The following DYNC2LI1 variants were observed in gnomAD, a reference collection of about 807,000 sequenced individuals.
DYNC2LI1 encodes the protein cytoplasmic dynein 2 light intermediate chain 1.
DYNC2LI1 carries 45 observed loss-of-function variants against 51.9 expected under a neutral mutation model. The ratio of observed to expected loss-of-function variants is 0.87; its 90% CI spans 0.68 to 1.11. The LOEUF is 1.11. Ranked by LOEUF, DYNC2LI1 falls within the 50% of genes most tolerant of loss-of-function variation. The pLI is 0.00. For missense variants in DYNC2LI1, 490 were observed against 417.4 expected (o/e 1.17, Z -1.51); for synonymous variants, 130 against 137.8 (o/e 0.94, Z 0.40).
At chr2:43,782,510 T>G (rs1171823826) in intron 2 of DYNC2LI1, among the ~76,000 whole-genome samples, 1 of 151,398 alleles carries the variant, frequency 6.6e-6, no homozygotes, top group Non-Finnish European at 1.5e-5. Flanking sequence ...TCCTGCTGTT[T>G]CTCTTTTATC....
Position 43,796,703 on chromosome 2 carries a change from A to T in DYNC2LI1, c.577-15A>T. On this transcript the variant is annotated splice_polypyrimidine_tract_variant and intron_variant, in intron 7 of 12. Coordinates refer to ENST00000260605, the MANE Select transcript of DYNC2LI1 (RefSeq NM_016008.4). ...TTTGGTTATCTTGACTTTTTAAAAT[A>T]ACATATTTCTACAGGATTTTGAGTC... 6.3e-7 allele frequency: 1 copy of T among 1,591,638 alleles called. No individual in the cohort carries two copies. Among genetic ancestry groups the T allele is most frequent in the Non-Finnish European group, 8.6e-7 (1 of 1,160,408 alleles).
chr2:43,823,625 G>A, the DYNC2LI1 span, among the ~76,000 whole-genome samples: 1 of 152,112 alleles, frequency 6.6e-6, no homozygotes, highest in Non-Finnish European at 1.5e-5. Flanking sequence ...TGGCCAAGAT[G>A]AGATAGGAGG....
chr2:43,808,111 G>A (rs1412633355), intron 12 of DYNC2LI1, among the ~76,000 whole-genome samples: 1 of 152,046 alleles, frequency 6.6e-6, no homozygotes, highest in Non-Finnish European at 1.5e-5. Context: ...TAAACAATTT[G>A]TTTATTCTTT....
chr2:43,774,214 C>G, intron 1 of DYNC2LI1, 68 bp downstream of exon 1: 2 of 1,598,526 alleles, frequency 1.3e-6, no homozygotes, highest in South Asian at 1.1e-5. Context: ...GAAGCCCAGG[C>G]GGGACCAGCT....
Position 43,794,552 on chromosome 2 carries a change from A to G in DYNC2LI1, c.416A>G (p.Asp139Gly). Residue 139 changes from aspartate (D) to glycine (G), a missense_variant, in exon 6 of 13, where the codon GAC (aspartate) becomes GGC (glycine). Physicochemically the swap from Asp to Gly is moderately conservative, Grantham distance 94. Coordinates refer to ENST00000260605, the MANE Select transcript of DYNC2LI1 (RefSeq NM_016008.4). ...NLLQATKSHV[D>G]KVIMKLGKTN... ...TTGCAAGCCACAAAAAGCCATGTAG[A>G]CAAAGTGATAATGAAACTGGGAAAG... 2 of 1,614,156 alleles carry G rather than the reference A, an allele frequency of 1.2e-6. No individual in the cohort carries two copies. Among genetic ancestry groups the G allele is most frequent in the Non-Finnish European group, 1.7e-6 (2 of 1,180,022 alleles).
the DYNC2LI1 span, among the ~76,000 whole-genome samples, chr2:43,816,730 T>C: frequency 3.9e-5 from 6 of 152,050 alleles, no homozygotes; most frequent in Non-Finnish European, 7.4e-5. Flanking sequence ...TGTTGTTAAA[T>C]GGGAAAAAAA....
intron 3 of DYNC2LI1, among the ~76,000 whole-genome samples, chr2:43,784,550 C>G (rs995407587): frequency 6.6e-6 from 1 of 152,088 alleles, no homozygotes; most frequent in Non-Finnish European, 1.5e-5. Flanking sequence ...AGCGATTCTC[C>G]TGCCTCAGCC....
At chr2:43,827,053 G>A in the DYNC2LI1 span, among the ~76,000 whole-genome samples, 986 of 152,298 alleles carry the variant, frequency 6.5e-3, 5 homozygotes, top group South Asian at 0.027. Context: ...GGCCGGGCGC[G>A]GTGGCTCACG....
the DYNC2LI1 span, among the ~76,000 whole-genome samples, chr2:43,820,659 C>T: frequency 3.9e-5 from 6 of 152,174 alleles, no homozygotes; most frequent in Non-Finnish European, 5.9e-5. Flanking sequence ...ATTTGACCTT[C>T]GTTTTCTTTT....
rs150518480 is a variant in DYNC2LI1, at chr2:43,776,083, C to T, written c.9-699C>T. 6.4e-3 allele frequency among the ~76,000 whole-genome samples: 964 copies of T among 151,652 alleles called. 11 individuals carry two copies. The highest frequency in any genetic ancestry group is 0.022 in the African/African-American group (900 of 41,330). ...TAAGTTCTAGGATACATGTGCACAA[C>T]GTGCAGGTTTGTTACATATGTATAC... On this transcript the variant is annotated intron_variant, in intron 1 of 12. Transcript: ENST00000260605.
chr2:43,820,319 C>G, the DYNC2LI1 span, among the ~76,000 whole-genome samples: 2 of 152,162 alleles, frequency 1.3e-5, no homozygotes, highest in South Asian at 2.1e-4. Context: ...TGGGAGCCAC[C>G]TTTTCCCTTT....
At chr2:43,805,479 C>A (rs1236887035) in intron 12 of DYNC2LI1, 4 of 254,402 alleles carry the variant, frequency 1.6e-5, no homozygotes, top group African/African-American at 9.0e-5. Context: ...TCCCACCACC[C>A]AGACATGACT....
At chr2:43,813,014 T>A (rs1183756232), downstream of DYNC2LI1, 1 of 721,920 alleles carries the variant, frequency 1.4e-6, no homozygotes, top group Non-Finnish European at 2.6e-6. Flanking sequence ...AGACTTGAGA[T>A]GTCCTGTCAA....
chr2:43,789,868 G>A (rs573893762), intron 5 of DYNC2LI1, 147 bp downstream of exon 5: 3 of 588,624 alleles, frequency 5.1e-6, no homozygotes, highest in Non-Finnish European at 8.4e-6. Flanking sequence ...TGCCTAACCT[G>A]TAATGCTTTC....
At position 43,805,220 on chromosome 2, in the gene DYNC2LI1, G is replaced by A. The variant is rs758793966; in HGVS notation, c.967G>A (p.Asp323Asn). ...RDPQYAENEV[D>N]EMRIQKDLEL... ...TCCTCAGTATGCTGAAAATGAAGTCGATGAGATGAGAATTCAGAAGGATCT... is the reference window on the plus strand; with the variant it reads ...TCCTCAGTATGCTGAAAATGAAGTCAATGAGATGAGAATTCAGAAGGATCT... The change falls in exon 12 of 13, where the codon GAT becomes AAT. Residue 323 changes from aspartate to asparagine, a missense_variant. Transcript: ENST00000260605. 3 of 1,608,716 alleles carry A rather than the reference G, an allele frequency of 1.9e-6. No individual in the cohort carries two copies. The highest frequency in any genetic ancestry group is 1.3e-5 in the African/African-American group (1 of 74,752).
At chr2:43,824,350 G>T in the DYNC2LI1 span, 5 of 1,614,108 alleles carry the variant, frequency 3.1e-6, no homozygotes, top group Admixed American at 1.7e-5. Flanking sequence ...CTGATTTCTT[G>T]TAGGCAGATT....
chr2:43,828,196 G>A, the DYNC2LI1 span: 1 of 1,599,420 alleles, frequency 6.3e-7, no homozygotes, highest in Non-Finnish European at 8.5e-7. Flanking sequence ...GGACATGAAA[G>A]AGGCAGCACA....
intron 2 of DYNC2LI1, among the ~76,000 whole-genome samples, chr2:43,780,918 C>T (rs1459695553): frequency 6.6e-6 from 1 of 152,048 alleles, no homozygotes; most frequent in Non-Finnish European, 1.5e-5. Context: ...AGACTACAGC[C>T]ACATGCTCAG....
At chr2:43,820,081 C>T in the DYNC2LI1 span, 4 of 1,613,922 alleles carry the variant, frequency 2.5e-6, no homozygotes, top group Non-Finnish European at 8.5e-7. Flanking sequence ...CGGGCAACCT[C>T]AGGATGTAAG....
Sources: gnomAD v4.1 joint callset for allele counts (sites outside exome capture counted in the v4.1 genomes callset) on GRCh38, gnomAD v4.1.1 for gene constraint, MANE v1.5 for transcripts, NCBI Gene and HGNC (gene_info 2026-07-23, HGNC 2026-07-21) for gene names.